The following AFAP1L2 variants were observed in gnomAD, a reference collection of about 807,000 sequenced individuals.
AFAP1L2 encodes the protein actin filament associated protein 1 like 2, also known as actin filament-associated protein 1-like 2.
Under a neutral mutation model 99.3 loss-of-function variants are expected in AFAP1L2, and 46 were observed. The observed-to-expected ratio is 0.46, with a 90% CI of 0.37 to 0.59. AFAP1L2 has a LOEUF of 0.59. AFAP1L2 is among the 20% of genes least tolerant of loss of function. The pLI is 0.00. For missense variants in AFAP1L2, 959 were observed against 1,034.9 expected (o/e 0.93, Z 1.01); for synonymous variants, 397 against 419.1 (o/e 0.95, Z 0.64).
chr10:114,371,496 G>A (rs1273849910), intron 1 of AFAP1L2, among the ~76,000 whole-genome samples: 3 of 152,090 alleles, frequency 2.0e-5, no homozygotes, highest in South Asian at 2.1e-4. Flanking sequence ...AATTTGGGCC[G>A]TGGAAAAACT....
At chr10:114,281,337 G>T in the AFAP1L2 span, 152,349 of 152,392 alleles carry the variant, frequency 1, 76,153 homozygotes, top group East Asian at 1. Context: ...CCCCGGAGAC[G>T]CAGGAGAGGC....
intron 5 of AFAP1L2, among the ~76,000 whole-genome samples, chr10:114,320,288 TGTGGGG>T (rs2044966294): frequency 6.6e-6 from 1 of 152,112 alleles, no homozygotes; most frequent in Non-Finnish European, 1.5e-5. Flanking sequence ...AGGGGAGCGG[TGTGGGG>T]ATAGGGCTGA....
chr10:114,349,583 G>C (rs1564946178), intron 1 of AFAP1L2, among the ~76,000 whole-genome samples: 1 of 147,608 alleles, frequency 6.8e-6, no homozygotes, highest in Non-Finnish European at 1.5e-5. Flanking sequence ...AGAACACAGT[G>C]TAGAAGGCAA....
intron 1 of AFAP1L2, among the ~76,000 whole-genome samples, chr10:114,360,800 A>C (rs550619242): frequency 3.1e-4 from 47 of 152,348 alleles, no homozygotes; most frequent in African/African-American, 1.1e-3. Flanking sequence ...CATAGTTCAA[A>C]ACCCCACAGA....
rs115256915 is a variant in AFAP1L2, at chr10:114,342,142, A to C, written c.17-1411T>G. 9.6e-3 allele frequency among the ~76,000 whole-genome samples: 1,459 copies of C among 152,290 alleles called. 24 individuals carry two copies. Among genetic ancestry groups the C allele is most frequent in the African/African-American group, 0.033 (1,381 of 41,548 alleles). On this transcript the variant is annotated intron_variant, in intron 1 of 18. Transcript: ENST00000304129. ...TATTGGGAAGCTGCTGATTGCTTTC[A>C]GGTGTTTTCTATGAGGAGACTGCCT...
rs1375403565 is a variant in AFAP1L2 at position 114,297,015 on chromosome 10, A to T, written c.2393T>A (p.Val798Glu). ...TTLKNRPLSV[V>E]VTGKGTVLQK... ...GAGTACAGTGCCTTTGCCTGTGACC[A>T]CGACCGAGAGAGGCCTGTTCTTGAG... Residue 798 changes from valine to glutamate, a missense_variant, in exon 18 of 19, where the codon GTG becomes GAG. Physicochemically the swap from Val to Glu is moderately radical, Grantham distance 121. Transcript: ENST00000304129. 1 of 1,614,048 alleles carries T rather than the reference A, an allele frequency of 6.2e-7. No homozygotes were observed. Among genetic ancestry groups the T allele is most frequent in the Non-Finnish European group, 8.5e-7 (1 of 1,180,020 alleles).
At chr10:114,300,049 C>T (rs1328265517) in intron 15 of AFAP1L2, 145 bp downstream of exon 15, 24 of 1,177,778 alleles carry the variant, frequency 2.0e-5, no homozygotes, top group Middle Eastern at 2.9e-4. Context: ...GAAGGCCTAT[C>T]GTGGGACTTG....
the AFAP1L2 span, among the ~76,000 whole-genome samples, chr10:114,285,225 T>G: frequency 6.6e-6 from 1 of 152,134 alleles, no homozygotes; most frequent in Non-Finnish European, 1.5e-5. Context: ...TGCTTGAAGT[T>G]TGAGTGCTGC....
chr10:114,380,953 T>C (rs2055531924), intron 1 of AFAP1L2, among the ~76,000 whole-genome samples: 1 of 152,206 alleles, frequency 6.6e-6, no homozygotes. Context: ...TGATGAAACA[T>C]AGATTACCAC....
rs113073880 is a variant in AFAP1L2 at position 114,331,151 on chromosome 10, AT to A, written c.315+651del. 7.6e-3 allele frequency among the ~76,000 whole-genome samples: 1,133 copies of A among 149,042 alleles called. 6 individuals are homozygous for A. The highest frequency in any genetic ancestry group is 0.011 in the Middle Eastern group (3 of 280). On this transcript the variant is annotated intron_variant, in intron 4 of 18. Coordinates refer to ENST00000304129, the MANE Select transcript of AFAP1L2 (RefSeq NM_001001936.3). ...CCCTGAGGCCATGCTAAGGAACGGG[AT>A]TTTTTTTTTTCTATGTTTAATAAGA...
intron 4 of AFAP1L2, among the ~76,000 whole-genome samples, chr10:114,330,246 C>G (rs1389782747): frequency 6.6e-6 from 1 of 152,182 alleles, no homozygotes; most frequent in African/African-American, 2.4e-5. Context: ...CAGAGCCATT[C>G]TGGGGCTGGG....
chr10:114,304,942 A>G lies in AFAP1L2; in HGVS notation c.1073-12T>C, dbSNP rs182852328. On this transcript the variant is annotated splice_polypyrimidine_tract_variant and intron_variant, in intron 10 of 18. Coordinates refer to ENST00000304129, the MANE Select transcript of AFAP1L2 (RefSeq NM_001001936.3). ...CACGTTCAGGTAACCTGCAGGAGGA[A>G]GTGCAGATGCAGGAGGGGACAGGGC... is the stretch of plus-strand genomic sequence containing the variant. 240 of 1,412,452 alleles carry G rather than the reference A, an allele frequency of 1.7e-4. 1 individual carries two copies. Among genetic ancestry groups the G allele is most frequent in the African/African-American group, 1.5e-3 (99 of 66,652 alleles). 87.5% of individuals were successfully genotyped at this position (1,412,452 alleles called of 1,614,324 possible).
chr10:114,378,596 G>A (rs1239282209), intron 1 of AFAP1L2, among the ~76,000 whole-genome samples: 1 of 152,224 alleles, frequency 6.6e-6, no homozygotes, highest in Admixed American at 6.5e-5. Flanking sequence ...TCCTTCTGCA[G>A]TGGTATCTCG....
chr10:114,299,238 TC>T, intron 16 of AFAP1L2, 21 bp downstream of exon 16: 1 of 1,613,412 alleles, frequency 6.2e-7, no homozygotes, highest in Non-Finnish European at 8.5e-7. Context: ...TGAGGGTCCC[TC>T]CCCACTGGGG....
intron 1 of AFAP1L2, among the ~76,000 whole-genome samples, chr10:114,384,682 G>A (rs536304432): frequency 6.6e-6 from 1 of 152,364 alleles, no homozygotes; most frequent in African/African-American, 2.4e-5. Flanking sequence ...GGGGAGCCCA[G>A]CAGCACCGGT....
At chr10:114,361,416 A>G (rs117135380) in intron 1 of AFAP1L2, among the ~76,000 whole-genome samples, 2,120 of 152,318 alleles carry the variant, frequency 0.014, 27 homozygotes, top group Non-Finnish European at 0.023. Context: ...AGAAATATCA[A>G]TGAGACTGTC....
intron 1 of AFAP1L2, among the ~76,000 whole-genome samples, chr10:114,345,438 G>A (rs1480683961): frequency 1.3e-5 from 2 of 152,196 alleles, no homozygotes; most frequent in East Asian, 3.9e-4. Flanking sequence ...GGCAGTGGAG[G>A]CAGGGAGGCC....
chr10:114,327,837 G>A (rs567845547), intron 4 of AFAP1L2, among the ~76,000 whole-genome samples: 17 of 152,230 alleles, frequency 1.1e-4, no homozygotes, highest in Admixed American at 9.2e-4. Context: ...CAGAGGACCC[G>A]AGGCATCCTC....
At chr10:114,328,212 C>T (rs1265785684) in intron 4 of AFAP1L2, among the ~76,000 whole-genome samples, 1 of 152,202 alleles carries the variant, frequency 6.6e-6, no homozygotes, top group Non-Finnish European at 1.5e-5. Context: ...TATTGCTGGA[C>T]AGACCTGCTC....
Sources: allele counts gnomAD v4.1 joint callset (sites outside exome capture counted in the v4.1 genomes callset), GRCh38; gene constraint gnomAD v4.1.1; transcripts MANE v1.5; gene names NCBI Gene and HGNC (gene_info 2026-07-23, HGNC 2026-07-21).